The following RBFOX1 variants were observed in gnomAD, a reference collection of about 807,000 sequenced individuals.
RBFOX1 encodes the protein RNA binding fox-1 homolog 1.
In RBFOX1, 8 loss-of-function variants were observed where a neutral mutation model predicts 57.7. The ratio of observed to expected loss-of-function variants is 0.14; its 90% CI spans 0.08 to 0.25. The LOEUF (loss-of-function observed/expected upper bound fraction) is 0.25, where lower values mean the gene tolerates loss of function less well. RBFOX1 is among the 10% of genes least tolerant of loss of function. RBFOX1 has a pLI of 1.00. For missense variants in RBFOX1, 611 were observed against 548.5 expected, an observed-to-expected ratio of 1.11 and a Z score of -1.14; for synonymous variants, 326 against 222.4, an observed-to-expected ratio of 1.47 and a Z score of -4.15.
chr16:5,565,819 G>A (rs1398226664), intron 2 of RBFOX1, among the ~76,000 whole-genome samples: 1 of 151,952 alleles, frequency 6.6e-6, no homozygotes, highest in Non-Finnish European at 1.5e-5. Context: ...AAATAAGAGA[G>A]GCTCCTAAGG....
intron 3 of RBFOX1, among the ~76,000 whole-genome samples, chr16:6,990,425 G>C (rs572414296): frequency 2.2e-4 from 33 of 152,068 alleles, no homozygotes; most frequent in African/African-American, 7.2e-4. Flanking sequence ...TTCAGGAGTC[G>C]GAGGCAGGAG....
intron 1 of RBFOX1, among the ~76,000 whole-genome samples, chr16:5,393,808 C>T (rs568117790): frequency 1.2e-4 from 18 of 152,266 alleles, no homozygotes; most frequent in African/African-American, 4.3e-4. Flanking sequence ...CCATCACCAC[C>T]ATCCATCTCC....
intron 4 of RBFOX1, among the ~76,000 whole-genome samples, chr16:7,166,137 C>T (rs2079461548): frequency 1.3e-5 from 2 of 152,112 alleles, no homozygotes; most frequent in African/African-American, 4.8e-5. Flanking sequence ...CTTCAGCCTT[C>T]CGAGTAGATG....
chr16:6,488,953 T>A (rs914584523), intron 2 of RBFOX1, among the ~76,000 whole-genome samples: 3 of 152,152 alleles, frequency 2.0e-5, no homozygotes, highest in Non-Finnish European at 2.9e-5. Context: ...TTATTAAACA[T>A]TTAAAATCTC....
intron 2 of RBFOX1, among the ~76,000 whole-genome samples, chr16:6,412,919 C>G (rs1372818927): frequency 2.6e-5 from 4 of 152,138 alleles, no homozygotes; most frequent in Non-Finnish European, 4.4e-5. Context: ...AGAAACGGAA[C>G]TTTCAAAAAC....
chr16:5,493,038 G>A (rs1412600167), intron 2 of RBFOX1, among the ~76,000 whole-genome samples: 1 of 152,214 alleles, frequency 6.6e-6, no homozygotes, highest in Non-Finnish European at 1.5e-5. Context: ...ATGCAGCTAT[G>A]TACATTCACT....
Position 7,068,668 on chromosome 16 carries a change from C to A in RBFOX1, c.27+16570C>A, listed in dbSNP as rs535662976. 5.5e-4 allele frequency among the ~76,000 whole-genome samples: 83 copies of A among 152,282 alleles called. 1 individual carries two copies. The highest frequency in any genetic ancestry group is 2.0e-3 in the African/African-American group (82 of 41,558). Reference sequence around the variant, plus strand: ...ATGGTGCAATCTCAGTTCATTGCAACCTCTGCCCCTCCGGGTTCAGGAGAT... The same window carrying A: ...ATGGTGCAATCTCAGTTCATTGCAAACTCTGCCCCTCCGGGTTCAGGAGAT... On this transcript the variant is annotated intron_variant, in intron 4 of 15. Coordinates refer to ENST00000550418, the MANE Select transcript of RBFOX1 (RefSeq NM_018723.4).
intron 3 of RBFOX1, among the ~76,000 whole-genome samples, chr16:6,813,974 C>T (rs929203131): frequency 6.6e-6 from 1 of 152,194 alleles, no homozygotes; most frequent in Non-Finnish European, 1.5e-5. Context: ...CTAACACTCT[C>T]ATCATGGCAC....
At chr16:6,364,538 C>T (rs553675936) in intron 2 of RBFOX1, among the ~76,000 whole-genome samples, 1 of 152,274 alleles carries the variant, frequency 6.6e-6, no homozygotes, top group South Asian at 2.1e-4. Flanking sequence ...GCCATTTTTC[C>T]CCAGCGGTGC....
chr16:6,311,191 GT>G, intron 1 of RBFOX1, among the ~76,000 whole-genome samples: 1 of 151,300 alleles, frequency 6.6e-6, no homozygotes, highest in East Asian at 1.9e-4. Flanking sequence ...AGCTACTCAG[GT>G]GGCTGAGGCA....
Position 6,964,963 on chromosome 16 carries a change from C to A in RBFOX1, c.-15-87094C>A, listed in dbSNP as rs76967170. ...GAGATAACAGACGCCAGGCACTTAGCAGCGAGTGTGGCCTATCCTACGTGC... is the reference window on the plus strand; with the variant it reads ...GAGATAACAGACGCCAGGCACTTAGAAGCGAGTGTGGCCTATCCTACGTGC... On this transcript the variant is annotated intron_variant, in intron 3 of 15. Coordinates refer to ENST00000550418, the MANE Select transcript of RBFOX1 (RefSeq NM_018723.4). Among the ~76,000 whole-genome samples the A allele has an allele frequency of 3.3e-5, 5 of 152,296 alleles. No homozygotes were observed. The East Asian group carries it at 9.7e-4, about 29-fold the overall frequency.
At chr16:6,931,344 C>G (rs202023020) in intron 3 of RBFOX1, among the ~76,000 whole-genome samples, 2 of 115,742 alleles carry the variant, frequency 1.7e-5, no homozygotes, top group Non-Finnish European at 4.0e-5. Context: ...TATCTCTACA[C>G]ACACACACAC....
intron 3 of RBFOX1, among the ~76,000 whole-genome samples, chr16:5,844,449 C>T (rs2056700744): frequency 6.6e-6 from 1 of 152,166 alleles, no homozygotes; most frequent in Non-Finnish European, 1.5e-5. Context: ...TGTGTTTGGC[C>T]ACGTGAGAGC....
intron 4 of RBFOX1, among the ~76,000 whole-genome samples, chr16:7,133,780 TG>T (rs1246414983): frequency 6.6e-6 from 1 of 152,048 alleles, no homozygotes. Context: ...TGATCTGCCA[TG>T]AAAAAAAAAG....
intron 4 of RBFOX1, among the ~76,000 whole-genome samples, chr16:7,161,114 A>G (rs17142760): frequency 6.6e-6 from 1 of 152,128 alleles, no homozygotes; most frequent in East Asian, 1.9e-4. Context: ...GTTTACATCA[A>G]GACCAACCTC....
intron 2 of RBFOX1, among the ~76,000 whole-genome samples, chr16:6,473,400 G>A (rs1310361146): frequency 6.6e-6 from 1 of 152,016 alleles, no homozygotes; most frequent in African/African-American, 2.4e-5. Context: ...GCATCTTATC[G>A]AAGGTATGTA....
chr16:7,350,363 T>G (rs1159673817), intron 4 of RBFOX1, among the ~76,000 whole-genome samples: 1 of 152,124 alleles, frequency 6.6e-6, no homozygotes, highest in Non-Finnish European at 1.5e-5. Flanking sequence ...TCAGTATGGC[T>G]GTGACACAGT....
At chr16:5,555,256 A>G (rs958805003) in intron 2 of RBFOX1, among the ~76,000 whole-genome samples, 16 of 151,954 alleles carry the variant, frequency 1.1e-4, no homozygotes, top group African/African-American at 2.7e-4. Flanking sequence ...TATTATTATT[A>G]TTTTTATTAT....
At chr16:6,444,891 A>G (rs2094454565) in intron 2 of RBFOX1, among the ~76,000 whole-genome samples, 1 of 152,168 alleles carries the variant, frequency 6.6e-6, no homozygotes, top group South Asian at 2.1e-4. Context: ...GAAGCAGAAA[A>G]ATGGAACGGC....
Sources: allele counts gnomAD v4.1 joint callset (sites outside exome capture counted in the v4.1 genomes callset), GRCh38; gene constraint gnomAD v4.1.1; transcripts MANE v1.5; gene names NCBI Gene and HGNC (gene_info 2026-07-23, HGNC 2026-07-21).